Variants in CSMD3 observed in about 807,000 individuals in gnomAD.
The protein encoded by CSMD3 is CUB and Sushi multiple domains 3.
Under a neutral mutation model 435.2 loss-of-function variants are expected in CSMD3, and 177 were observed. The ratio of observed to expected loss-of-function variants is 0.41; its 90% CI spans 0.36 to 0.46. CSMD3 has a LOEUF of 0.46. Ranked by LOEUF, CSMD3 falls within the 20% of genes least tolerant of loss-of-function variation. The pLI is 0.34. For synonymous variants in CSMD3, 1,656 were observed against 1,520.5 expected, an observed-to-expected ratio of 1.09 and a Z score of -2.07; for missense variants, 4,265 against 4,504.6, an observed-to-expected ratio of 0.95 and a Z score of 1.52.
At chr8:112,230,236 A>C (rs1314499901) in intron 69 of CSMD3, among the ~76,000 whole-genome samples, 2 of 152,222 alleles carry the variant, frequency 1.3e-5, no homozygotes, top group Admixed American at 6.5e-5. Flanking sequence ...GAAAATATTC[A>C]GCACTAAATT....
intron 27 of CSMD3, among the ~76,000 whole-genome samples, chr8:112,543,908 G>T (rs1826915647): frequency 6.6e-6 from 1 of 152,106 alleles, no homozygotes; most frequent in South Asian, 2.1e-4. Context: ...GAAGGATTCT[G>T]CAATAGTCAG....
chr8:113,237,052 A>G (rs1482100945), intron 3 of CSMD3, among the ~76,000 whole-genome samples: 1 of 152,160 alleles, frequency 6.6e-6, no homozygotes, highest in Non-Finnish European at 1.5e-5. Flanking sequence ...AAGAAACATC[A>G]TGCTTGACAA....
At chr8:112,648,702 T>C (rs1448395377) in intron 19 of CSMD3, among the ~76,000 whole-genome samples, 5 of 152,216 alleles carry the variant, frequency 3.3e-5, no homozygotes, top group African/African-American at 1.2e-4. Flanking sequence ...GTTAAGCGTG[T>C]TGATGCGCTT....
In CSMD3 at chr8:112,295,993, T is replaced by C. The variant is rs1180966541; in HGVS notation, c.8454A>G (p.Gly2818=). ...SETRCLAGHC[G]IPELIVNGQV... ...GACCATTCACAATCAGTTCTGGAAT[T>C]CCACAATGACCCGCTGAAATACGTT... Residue 2818 remains glycine (G), a synonymous_variant, in exon 54 of 71, where the codon GGA becomes GGG. Coordinates refer to ENST00000297405, the MANE Select transcript of CSMD3 (RefSeq NM_198123.2). 4.3e-6 allele frequency: 7 copies of C among 1,612,666 alleles called. No homozygotes were observed. In the South Asian group the frequency reaches 6.6e-5, roughly 15 times the overall value.
chr8:113,050,233 T>C (rs565534408), intron 5 of CSMD3, among the ~76,000 whole-genome samples: 1 of 152,188 alleles, frequency 6.6e-6, no homozygotes, highest in South Asian at 2.1e-4. Context: ...TATGTGTATG[T>C]ATATGTGTGG....
intron 6 of CSMD3, among the ~76,000 whole-genome samples, chr8:112,986,114 C>A (rs144381087): frequency 2.6e-5 from 4 of 152,136 alleles, no homozygotes; most frequent in East Asian, 3.9e-4. Flanking sequence ...AATAGAGTTG[C>A]TAGATTTAGC....
At chr8:112,784,376 G>A (rs1170551462) in intron 13 of CSMD3, among the ~76,000 whole-genome samples, 1 of 151,522 alleles carries the variant, frequency 6.6e-6, no homozygotes, top group Non-Finnish European at 1.5e-5. Context: ...TTAATAACTA[G>A]AAAAGCAAGA....
intron 4 of CSMD3, among the ~76,000 whole-genome samples, chr8:113,114,792 G>T (rs2090773314): frequency 6.6e-6 from 1 of 151,998 alleles, no homozygotes; most frequent in Non-Finnish European, 1.5e-5. Context: ...TTGAAACAGA[G>T]GTAGATAGAA....
At chr8:113,334,659 T>C (rs2094056970) in intron 1 of CSMD3, among the ~76,000 whole-genome samples, 1 of 152,114 alleles carries the variant, frequency 6.6e-6, no homozygotes, top group Non-Finnish European at 1.5e-5. Context: ...AAACATTTGA[T>C]AGAATTATCC....
At chr8:112,825,038 C>A (rs1045196942) in intron 12 of CSMD3, among the ~76,000 whole-genome samples, 2 of 152,064 alleles carry the variant, frequency 1.3e-5, no homozygotes, top group East Asian at 3.9e-4. Flanking sequence ...AGTCTGCATG[C>A]CTTATTTCAG....
intron 2 of CSMD3, among the ~76,000 whole-genome samples, chr8:113,302,458 C>T (rs1353323274): frequency 2.0e-5 from 3 of 150,696 alleles, no homozygotes; most frequent in Non-Finnish European, 4.4e-5. Context: ...TACCTTCCTT[C>T]AGAATATCAA....
At chr8:112,742,622 A>G (rs2077337463) in intron 13 of CSMD3, among the ~76,000 whole-genome samples, 1 of 151,974 alleles carries the variant, frequency 6.6e-6, no homozygotes, top group African/African-American at 2.4e-5. Flanking sequence ...TCACATATAA[A>G]GACAGTTGTG....
chr8:112,253,724 T>C (rs147029300), intron 63 of CSMD3, among the ~76,000 whole-genome samples: 115 of 152,144 alleles, frequency 7.6e-4, no homozygotes, highest in African/African-American at 2.7e-3. Context: ...AGAATTCTAA[T>C]GTAACAATTC....
intron 59 of CSMD3, among the ~76,000 whole-genome samples, chr8:112,277,188 C>T (rs1818148870): frequency 6.6e-6 from 1 of 152,120 alleles, no homozygotes; most frequent in South Asian, 2.1e-4. Flanking sequence ...CTTTTATATT[C>T]TATTTCCCTT....
At chr8:112,874,411 G>A (rs1183540488) in intron 10 of CSMD3, among the ~76,000 whole-genome samples, 3 of 152,176 alleles carry the variant, frequency 2.0e-5, no homozygotes, top group African/African-American at 7.2e-5. Flanking sequence ...TTCTGTAGAT[G>A]TCTATTAGGT....
intron 6 of CSMD3, among the ~76,000 whole-genome samples, chr8:112,986,939 AG>A (rs1199439509): frequency 2.6e-5 from 4 of 152,064 alleles, no homozygotes; most frequent in Admixed American, 6.6e-5. Context: ...AAATATAGAT[AG>A]TTTCTATGAG....
intron 17 of CSMD3, among the ~76,000 whole-genome samples, chr8:112,658,039 T>C (rs1222162571): frequency 6.6e-6 from 1 of 152,202 alleles, no homozygotes. Flanking sequence ...GTTAAAAATG[T>C]CTTTCTTTTC....
intron 6 of CSMD3, among the ~76,000 whole-genome samples, chr8:113,000,219 A>G (rs910651955): frequency 6.6e-6 from 1 of 152,082 alleles, no homozygotes; most frequent in Non-Finnish European, 1.5e-5. Context: ...TTCTGATCAT[A>G]GGTTAAATAA....
intron 22 of CSMD3, among the ~76,000 whole-genome samples, chr8:112,598,787 A>C (rs1180949547): frequency 1.6e-4 from 24 of 152,182 alleles, no homozygotes; most frequent in African/African-American, 5.8e-4. Context: ...CCTATTTAAT[A>C]AATGGTGCTG....
Sources: allele counts gnomAD v4.1 joint callset (sites outside exome capture counted in the v4.1 genomes callset), GRCh38; gene constraint gnomAD v4.1.1; transcripts MANE v1.5; gene names NCBI Gene and HGNC (gene_info 2026-07-23, HGNC 2026-07-21).